Variants in ENKD1 observed in about 807,000 individuals in gnomAD.
The protein encoded by ENKD1 is enkurin domain containing 1.
ENKD1 carries 39 observed loss-of-function variants against 35.8 expected under a neutral mutation model. The observed-to-expected ratio is 1.09, with a 90% CI of 0.84 to 1.42. The LOEUF (loss-of-function observed/expected upper bound fraction) is 1.42, where lower values mean the gene tolerates loss of function less well. Ranked by LOEUF, ENKD1 falls within the 40% of genes most tolerant of loss-of-function variation. The pLI is 0.00. For synonymous variants in ENKD1, 205 were observed against 198.6 expected (o/e 1.03, Z -0.27); for missense variants, 474 against 471.3 (o/e 1.01, Z -0.05).
At position 67,663,688 on chromosome 16, in the gene ENKD1, T is replaced by C. The variant is rs115927593; in HGVS notation, c.712A>G (p.Asn238Asp). Residue 238 changes from asparagine (N) to aspartate (D), a missense_variant, in exon 5 of 7, where the codon AAT becomes GAT. Coordinates refer to ENST00000243878, the MANE Select transcript of ENKD1 (RefSeq NM_032140.3). Reference sequence around the variant, plus strand: ...GGCACATGGCCCTTCTGCGTGGCATTGTAGTGCTCCTGGGCCTGCCGCTGC... The same window carrying C: ...GGCACATGGCCCTTCTGCGTGGCATCGTAGTGCTCCTGGGCCTGCCGCTGC... ...EQQRQAQEHY[N>D]ATQKGHVPHY... 2.5e-4 allele frequency: 399 copies of C among 1,613,196 alleles called. 1 individual carries two copies. The African/African-American group carries it at 4.6e-3, about 19-fold the overall frequency.
intron 3 of ENKD1, 53 bp downstream of exon 3, chr16:67,664,943 T>G (rs1274683950): frequency 1.3e-6 from 2 of 1,547,630 alleles, no homozygotes; most frequent in African/African-American, 1.4e-5. Flanking sequence ...CAGGGTACAG[T>G]TGCCTGTTGG....
At position 67,663,221 on chromosome 16, in the gene ENKD1, C is replaced by T. The variant is rs1225251283; in HGVS notation, c.981G>A (p.Gln327=). ...AAAAGATCTTGATGGCCTCCTCTAC[C>T]TGCACCAGCTTCCGGTCCAGCTCAG... is the stretch of plus-strand genomic sequence containing the variant. ...HRAELDRKLV[Q]VEEAIKIFSR... is the part of the protein sequence containing the mutation. Residue 327 remains glutamine, a synonymous_variant, in exon 7 of 7, where the codon CAG becomes CAA. Transcript: ENST00000243878. 1.2e-6 allele frequency: 2 copies of T among 1,614,046 alleles called. No homozygotes were observed. The highest frequency in any genetic ancestry group is 1.7e-6 in the Non-Finnish European group (2 of 1,180,034).
Position 67,666,122 on chromosome 16 carries a change from C to G in ENKD1, c.229G>C (p.Val77Leu). The change falls in exon 2 of 7, where the codon GTG becomes CTG. Residue 77 changes from valine to leucine, a missense_variant. Physicochemically the swap from Val to Leu is conservative, Grantham distance 32. Coordinates refer to ENST00000243878, the MANE Select transcript of ENKD1 (RefSeq NM_032140.3). ...LERGQRGVGD[V>L]LLQLEGISLG... ...GAGATCCCCTCGAGTTGCAACAGCA[C>G]GTCCCCGACGCCGCGCTGGCCGCGC... is the stretch of plus-strand genomic sequence containing the variant. 1 of 1,612,856 alleles carries G rather than the reference C, an allele frequency of 6.2e-7. No individual in the cohort carries two copies. Among genetic ancestry groups the G allele is most frequent in the East Asian group, 2.2e-5 (1 of 44,890 alleles).
chr16:67,663,001 T>C lies in ENKD1; in HGVS notation c.*160A>G. 1 of 799,324 alleles carries C rather than the reference T, an allele frequency of 1.3e-6. No individual in the cohort carries two copies. The allele number at this position is 799,324 out of a possible 1,614,324, so 49.5% of individuals were successfully genotyped here. On this transcript the variant is annotated 3_prime_UTR_variant, in exon 7 of 7. Transcript: ENST00000243878. ...GCAGTTAAAAGGCTAGGGTGGCCCTTCTGCAGCCACTGGTGACTGGGAAGA... is the reference window on the plus strand; with the variant it reads ...GCAGTTAAAAGGCTAGGGTGGCCCTCCTGCAGCCACTGGTGACTGGGAAGA...
At position 67,666,457 on chromosome 16, in the gene ENKD1, C is replaced by A; in HGVS notation, c.-15G>T. The A allele has an allele frequency of 2.0e-6, 3 of 1,498,884 alleles. No individual in the cohort carries two copies. Among genetic ancestry groups the A allele is most frequent in the Non-Finnish European group, 2.7e-6 (3 of 1,130,962 alleles). The allele number at this position is 1,498,884 out of a possible 1,614,324, so 92.8% of individuals were successfully genotyped here. A position where few individuals can be genotyped will look rare whatever the true frequency, so the allele number is the denominator to read the frequency against. On this transcript the variant is annotated 5_prime_UTR_variant, in exon 1 of 7. Transcript: ENST00000243878. ...CCCTCGCACATGCCGCCGGCGCCGC[C>A]CAGCAACGGTGCCCCGAGGCCTGCA...
chr16:67,664,434 C>T (rs544871869), intron 3 of ENKD1: 2 of 371,646 alleles, frequency 5.4e-6, no homozygotes, highest in South Asian at 4.3e-5. Flanking sequence ...CTAGGTCTCA[C>T]TCCTGAGATC....
Position 67,663,994 on chromosome 16 carries a change from G to A in ENKD1, c.522C>T (p.Gly174=), listed in dbSNP as rs148941300. Reference sequence around the variant, plus strand: ...GACTAGATACATGGGGTGGTGGGAGGCCAGGGCCGCAGCGGGAGTGCGCCC... The same window carrying A: ...GACTAGATACATGGGGTGGTGGGAGACCAGGGCCGCAGCGGGAGTGCGCCC... The part of the protein sequence containing the change: ...FLRAHSRCGP[G]LPPPHVSSPQ... The change falls in exon 4 of 7, where the codon GGC becomes GGT. Residue 174 remains glycine (G), a synonymous_variant. Transcript: ENST00000243878. 1.7e-4 allele frequency: 270 copies of A among 1,589,000 alleles called. 3 individuals carry two copies. In the African/African-American group the frequency reaches 2.9e-3, roughly 17 times the overall value.
In ENKD1 at chr16:67,666,186, A is replaced by G. The variant is rs2053099720; in HGVS notation, c.165T>C (p.Arg55=). ...SDRALDTTAP[R]GPCIGPGAGE... Reference sequence around the variant, plus strand: ...CGGCACCGGGACCGATGCAGGGGCCACGGGGAGCGGTGGTGTCCAGGGCCC... The same window carrying G: ...CGGCACCGGGACCGATGCAGGGGCCGCGGGGAGCGGTGGTGTCCAGGGCCC... The change falls in exon 2 of 7, where the codon CGT becomes CGC. Residue 55 remains arginine, a synonymous_variant. Transcript: ENST00000243878. 1 of 1,611,972 alleles carries G rather than the reference A, an allele frequency of 6.2e-7. No homozygotes were observed. Among genetic ancestry groups the G allele is most frequent in the Non-Finnish European group, 8.5e-7 (1 of 1,179,634 alleles).
rs558943830 is a variant in ENKD1 at position 67,666,284 on chromosome 16, C to T, written c.86-19G>A. The T allele has an allele frequency of 6.3e-7, 1 of 1,599,450 alleles. No individual in the cohort carries two copies. Among genetic ancestry groups the T allele is most frequent in the African/African-American group, 1.3e-5 (1 of 74,780 alleles). On this transcript the variant is annotated intron_variant, in intron 1 of 6. Transcript: ENST00000243878. ...CCTTGAGCTGTGGGGCGGAGCCGGG[C>T]GGAGTCCGGGGCTCAGAGGTGGAGC... is the stretch of plus-strand genomic sequence containing the variant.
intron 3 of ENKD1, chr16:67,664,500 C>T (rs2053074304): frequency 8.5e-6 from 3 of 351,342 alleles, no homozygotes; most frequent in Non-Finnish European, 1.6e-5. Context: ...GGGAACCCCA[C>T]AGATGCTTCA....
Position 67,665,052 on chromosome 16 carries a change from G to C in ENKD1, c.397C>G (p.Leu133Val). 1 of 1,613,760 alleles carries C rather than the reference G, an allele frequency of 6.2e-7. No individual in the cohort carries two copies. Among genetic ancestry groups the C allele is most frequent in the Non-Finnish European group, 8.5e-7 (1 of 1,179,906 alleles). Residue 133 changes from leucine (L) to valine (V), a missense_variant, in exon 3 of 7, where the codon CTG (leucine) becomes GTG (valine). Physicochemically the swap from Leu to Val is conservative, Grantham distance 32 (BLOSUM62 1). Coordinates refer to ENST00000243878, the MANE Select transcript of ENKD1 (RefSeq NM_032140.3). ...TTGTCGTACTTGGGTGAGCGCCACA[G>C]AGCTTTCAGGGGCCTGGGCTGGCCC... ...EQGQPRPLKALWRSPKYDKVE... is the reference protein window; with the variant it reads ...EQGQPRPLKAVWRSPKYDKVE...
chr16:67,666,178 C>A lies in ENKD1; in HGVS notation c.173G>T (p.Cys58Phe), dbSNP rs550272312. ...ALDTTAPRGP[C>F]IGPGAGEILE... ...GATCTCTCCGGCACCGGGACCGATG[C>A]AGGGGCCACGGGGAGCGGTGGTGTC... The change falls in exon 2 of 7, where the codon TGC becomes TTC. Residue 58 changes from cysteine to phenylalanine, a missense_variant. By Grantham distance (205) the Cys-to-Phe change is radical. Transcript: ENST00000243878. 6.8e-6 allele frequency: 11 copies of A among 1,612,380 alleles called. No homozygotes were observed. The South Asian group carries it at 9.9e-5, about 14-fold the overall frequency.
intron 3 of ENKD1, chr16:67,664,520 C>T (rs530792956): frequency 2.9e-6 from 1 of 342,026 alleles, no homozygotes; most frequent in South Asian, 2.4e-5. Context: ...AGCTACAACA[C>T]ATTTGTGTGA....
At position 67,663,184 on chromosome 16, in the gene ENKD1, CT is replaced by C; in HGVS notation, c.1017del (p.Val340SerfsTer3). 2 of 1,614,076 alleles carry C rather than the reference CT, an allele frequency of 1.2e-6. No homozygotes were observed. Among genetic ancestry groups the C allele is most frequent in the Non-Finnish European group, 1.7e-6 (2 of 1,180,034 alleles). ...EEAIKIFSRPKVFVKMDD is the reference protein window; with the variant it reads ...EEAIKIFSRPXVFVKMDD Reference sequence around the variant, plus strand: ...GCTCAGTCGTCCATCTTCACGAAGACTTTGGGCCGAGAAAAGATCTTGATGG... The same window carrying C: ...GCTCAGTCGTCCATCTTCACGAAGACTTGGGCCGAGAAAAGATCTTGATGG... On this transcript the variant is annotated frameshift_variant, in exon 7 of 7. Transcript: ENST00000243878. LOFTEE classifies it high-confidence loss of function.
chr16:67,663,239 C>T lies in ENKD1; in HGVS notation c.963G>A (p.Leu321=). The change falls in exon 7 of 7, where the codon CTG becomes CTA. Residue 321 remains leucine (L), a synonymous_variant. Transcript: ENST00000243878. ...SLRAQSHRAE[L]DRKLVQVEEA... The stretch of plus-strand genomic sequence containing the variant: ...CCTCTACCTGCACCAGCTTCCGGTC[C>T]AGCTCAGCACGGTGGCTCTGGGCTC... 7 of 1,614,028 alleles carry T rather than the reference C, an allele frequency of 4.3e-6. No individual in the cohort carries two copies. Among genetic ancestry groups the T allele is most frequent in the Non-Finnish European group, 5.9e-6 (7 of 1,180,032 alleles).
Position 67,666,376 on chromosome 16 carries a change from A to T in ENKD1, c.67T>A (p.Tyr23Asn), listed in dbSNP as rs1567648218. The change falls in exon 1 of 7, where the codon TAC becomes AAC. Residue 23 changes from tyrosine to asparagine, a missense_variant. Coordinates refer to ENST00000243878, the MANE Select transcript of ENKD1 (RefSeq NM_032140.3). Reference protein sequence around the residue: ...PPDPTLCPDNYRRPTSAQGRL... With the variant: ...PPDPTLCPDNNRRPTSAQGRL... ...GACTCACCCGAGGTCGGCCGCCTGT[A>T]GTTGTCAGGACAGAGCGTCGGGTCT... is the stretch of plus-strand genomic sequence containing the variant. 2 of 1,578,152 alleles carry T rather than the reference A, an allele frequency of 1.3e-6. No individual in the cohort carries two copies. The highest frequency in any genetic ancestry group is 2.3e-5 in the South Asian group (2 of 88,250).
Position 67,663,960 on chromosome 16 carries a change from T to C in ENKD1, c.556A>G (p.Thr186Ala). Residue 186 changes from threonine to alanine, a missense_variant, in exon 4 of 7, where the codon ACC becomes GCC. By Grantham distance (58) the Thr-to-Ala change is moderately conservative. Transcript: ENST00000243878. Reference sequence around the variant, plus strand: ...ACCTTAGCTTCGGGACCTGGTGGGGTTGGCTGGGGACTAGATACATGGGGT... The same window carrying C: ...ACCTTAGCTTCGGGACCTGGTGGGGCTGGCTGGGGACTAGATACATGGGGT... ...PPPHVSSPQP[T>A]PPGPEAKEPG... 3 of 1,602,404 alleles carry C rather than the reference T, an allele frequency of 1.9e-6. No individual in the cohort carries two copies. The highest frequency in any genetic ancestry group is 2.6e-6 in the Non-Finnish European group (3 of 1,174,184).
In ENKD1 at chr16:67,666,382, CA is replaced by C. The variant is rs1567648244; in HGVS notation, c.60del (p.Asp21ThrfsTer18). The C allele has an allele frequency of 6.3e-7, 1 of 1,576,168 alleles. No individual in the cohort carries two copies. The highest frequency in any genetic ancestry group is 2.3e-5 in the East Asian group (1 of 43,070). On this transcript the variant is annotated frameshift_variant, in exon 1 of 7. Transcript: ENST00000243878. LOFTEE classifies it high-confidence loss of function. ...CCCGAGGTCGGCCGCCTGTAGTTGT[CA>C]GGACAGAGCGTCGGGTCTGGGGGGA... Reference protein sequence around the residue: ...GPIPPDPTLCPDNYRRPTSAQ... With the variant: ...GPIPPDPTLCXDNYRRPTSAQ...
chr16:67,665,119 C>CT lies in ENKD1; in HGVS notation c.329dup (p.Ile111AspfsTer72). The CT allele has an allele frequency of 6.2e-7, 1 of 1,613,942 alleles. No homozygotes were observed. Among genetic ancestry groups the CT allele is most frequent in the Non-Finnish European group, 8.5e-7 (1 of 1,179,976 alleles). ...CCTGTTCTCTGAAGCGCTTCTGAAT[C>CT]TCCCTGATCCGCCTCAGGTTCTCCT... On this transcript the variant is annotated frameshift_variant, in exon 3 of 7. Transcript: ENST00000243878. LOFTEE classifies it high-confidence loss of function.
Sources: allele counts gnomAD v4.1 joint callset, GRCh38; gene constraint gnomAD v4.1.1; transcripts MANE v1.5; gene names NCBI Gene and HGNC (gene_info 2026-07-23, HGNC 2026-07-21).